Variants in SUPT3H observed in about 807,000 individuals in gnomAD.
SUPT3H encodes the protein SPT3 homolog, SAGA and STAGA complex component.
A neutral mutation model predicts 44.3 loss-of-function variants in SUPT3H; 44 were observed. That is an observed-to-expected ratio of 0.99 (90% CI 0.78 to 1.28). The LOEUF (loss-of-function observed/expected upper bound fraction) is 1.28, where lower values mean the gene tolerates loss of function less well. SUPT3H is among the 50% of genes most tolerant of loss of function. The probability of loss-of-function intolerance (pLI) is 0.00; values close to 1 mark genes in which losing one functional copy is unlikely to be tolerated. For missense variants in SUPT3H, 380 were observed against 387.1 expected (o/e 0.98, Z 0.15); for synonymous variants, 124 against 125.6 (o/e 0.99, Z 0.09).
chr6:45,059,254 T>G (rs555540122), intron 3 of SUPT3H, among the ~76,000 whole-genome samples: 1 of 152,266 alleles, frequency 6.6e-6, no homozygotes, highest in African/African-American at 2.4e-5. Flanking sequence ...CAAGTCAGCT[T>G]CATCCTTGGG....
chr6:45,078,381 G>T (rs889222425), intron 3 of SUPT3H, among the ~76,000 whole-genome samples: 1 of 152,158 alleles, frequency 6.6e-6, no homozygotes, highest in African/African-American at 2.4e-5. Flanking sequence ...AGCCAACATT[G>T]CAGTTGTTGT....
chr6:45,084,118 G>A (rs187115176), intron 3 of SUPT3H, among the ~76,000 whole-genome samples: 3 of 152,058 alleles, frequency 2.0e-5, no homozygotes, highest in South Asian at 2.1e-4. Flanking sequence ...AAAAGCAAGC[G>A]CAACACAAAA....
intron 2 of SUPT3H, among the ~76,000 whole-genome samples, chr6:45,224,981 C>T (rs983774634): frequency 1.3e-5 from 2 of 151,790 alleles, no homozygotes; most frequent in African/African-American, 4.8e-5. Flanking sequence ...TATTAAACTT[C>T]TAAAAATATA....
intron 9 of SUPT3H, among the ~76,000 whole-genome samples, chr6:44,948,278 A>G (rs1414063401): frequency 6.6e-6 from 1 of 152,246 alleles, no homozygotes; most frequent in Non-Finnish European, 1.5e-5. Context: ...ACCTAAAACC[A>G]TAAAAACCCT....
chr6:45,110,061 A>G (rs1799824801), intron 2 of SUPT3H, among the ~76,000 whole-genome samples: 1 of 152,190 alleles, frequency 6.6e-6, no homozygotes, highest in Non-Finnish European at 1.5e-5. Flanking sequence ...TCGTTGCTAT[A>G]ACACACAACC....
At chr6:45,110,309 A>G (rs1799860484) in intron 2 of SUPT3H, among the ~76,000 whole-genome samples, 1 of 152,222 alleles carries the variant, frequency 6.6e-6, no homozygotes, top group East Asian at 1.9e-4. Context: ...AGATGAAGTT[A>G]AACTTTTTAT....
rs1491206167 is a variant in SUPT3H at position 44,928,882 on chromosome 6, C to CAAAATAA, written c.912+3770_912+3771insTTATTTT. ...TGGGCGACAGAACGAGACTCCGTCT[C>CAAAATAA]AAAAAAAAAAAAAAAAAAAAAAGAA... On this transcript the variant is annotated intron_variant, in intron 10 of 10. Coordinates refer to ENST00000371459, the MANE Select transcript of SUPT3H (RefSeq NM_003599.4). Among the ~76,000 whole-genome samples, 8 of 20,646 alleles carry CAAAATAA rather than the reference C, an allele frequency of 3.9e-4. 1 individual carries two copies. The highest frequency in any genetic ancestry group is 6.3e-4 in the African/African-American group (2 of 3,180). 13.5% of individuals were successfully genotyped at this position (20,646 alleles called of 152,430 possible). A position where few individuals can be genotyped will look rare whatever the true frequency, so the allele number is the denominator to read the frequency against.
chr6:45,063,889 G>A (rs1479175701), intron 3 of SUPT3H, among the ~76,000 whole-genome samples: 1 of 126,062 alleles, frequency 7.9e-6, no homozygotes, highest in Admixed American at 8.8e-5. Flanking sequence ...CACTCTGCAG[G>A]ATATTATCCA....
At chr6:45,051,320 G>T (rs1393272296) in intron 3 of SUPT3H, among the ~76,000 whole-genome samples, 2 of 152,178 alleles carry the variant, frequency 1.3e-5, no homozygotes, top group Non-Finnish European at 2.9e-5. Context: ...CATATGAAAG[G>T]CCTGTTATAT....
Position 44,991,730 on chromosome 6 carries a change from A to G in SUPT3H, c.504+11923T>C, listed in dbSNP as rs148776919. Among the ~76,000 whole-genome samples, 21 of 152,314 alleles carry G rather than the reference A, an allele frequency of 1.4e-4. No homozygotes were observed. The East Asian group carries it at 3.9e-3, about 28-fold the overall frequency. On this transcript the variant is annotated intron_variant, in intron 6 of 10. Transcript: ENST00000371459. ...CATTTTCTATAAAGTAGTGGCAACA[A>G]TAAGAATTAAACTAAAGGCAGCTCC...
intron 10 of SUPT3H, among the ~76,000 whole-genome samples, chr6:44,867,273 T>G (rs779074873): frequency 4.6e-5 from 7 of 152,026 alleles, no homozygotes; most frequent in Non-Finnish European, 7.4e-5. Context: ...TGTCTCAGTC[T>G]CCTGAGGAGC....
At chr6:45,070,326 T>C (rs775333635) in intron 3 of SUPT3H, among the ~76,000 whole-genome samples, 2 of 152,206 alleles carry the variant, frequency 1.3e-5, no homozygotes, top group African/African-American at 2.4e-5. Flanking sequence ...AGAAGATTTC[T>C]GATCTTTCAA....
At chr6:44,978,566 G>T (rs562152850) in intron 6 of SUPT3H, among the ~76,000 whole-genome samples, 1 of 152,278 alleles carries the variant, frequency 6.6e-6, no homozygotes, top group African/African-American at 2.4e-5. Context: ...AGATAGATTT[G>T]CTAAACAATG....
chr6:45,288,061 C>T (rs1361088714), intron 2 of SUPT3H, among the ~76,000 whole-genome samples: 3 of 152,072 alleles, frequency 2.0e-5, no homozygotes, highest in East Asian at 3.8e-4. Context: ...GCTTGATGCA[C>T]CTATTTCTTA....
At chr6:44,878,343 C>G (rs1777628655) in intron 10 of SUPT3H, among the ~76,000 whole-genome samples, 1 of 152,104 alleles carries the variant, frequency 6.6e-6, no homozygotes, top group African/African-American at 2.4e-5. Flanking sequence ...TTAATGGAAC[C>G]TAAACTCTTT....
intron 2 of SUPT3H, among the ~76,000 whole-genome samples, chr6:45,152,666 A>AT (rs760676918): frequency 2.0e-5 from 3 of 151,736 alleles, no homozygotes; most frequent in East Asian, 3.9e-4. Context: ...AATTTTTGTT[A>AT]TTTTTCGGAG....
intron 10 of SUPT3H, among the ~76,000 whole-genome samples, chr6:44,883,231 A>G (rs535504714): frequency 6.6e-6 from 1 of 152,308 alleles, no homozygotes; most frequent in South Asian, 2.1e-4. Flanking sequence ...AAGCATTCCT[A>G]TACACAAACA....
chr6:45,122,026 T>A (rs959045148), intron 2 of SUPT3H, among the ~76,000 whole-genome samples: 3 of 133,812 alleles, frequency 2.2e-5, no homozygotes, highest in Non-Finnish European at 4.8e-5. Context: ...AAAGATATCT[T>A]TCATTTAAAA....
intron 3 of SUPT3H, among the ~76,000 whole-genome samples, chr6:45,024,223 G>C (rs560796568): frequency 1.1e-4 from 17 of 152,016 alleles, no homozygotes; most frequent in African/African-American, 4.1e-4. Flanking sequence ...TACTTTATTA[G>C]GAGGTTGAGA....
Sources: gnomAD v4.1 joint callset for allele counts (sites outside exome capture counted in the v4.1 genomes callset) on GRCh38, gnomAD v4.1.1 for gene constraint, MANE v1.5 for transcripts, NCBI Gene and HGNC (gene_info 2026-07-23, HGNC 2026-07-21) for gene names.